NLGN1: variants seen among roughly 807,000 people sequenced by gnomAD.
The protein encoded by NLGN1 is neuroligin-1.
Under a neutral mutation model 65.5 loss-of-function variants are expected in NLGN1, and 12 were observed. That is an observed-to-expected ratio of 0.18 (90% CI 0.12 to 0.30). The LOEUF (loss-of-function observed/expected upper bound fraction) is 0.30, where lower values mean the gene tolerates loss of function less well. Ranked by LOEUF, NLGN1 falls within the 10% of genes least tolerant of loss-of-function variation. NLGN1 has a pLI of 1.00. For missense variants in NLGN1, 750 were observed against 1,007.1 expected (o/e 0.74, Z 3.46); for synonymous variants, 350 against 359.5 (o/e 0.97, Z 0.30).
intron 4 of NLGN1, among the ~76,000 whole-genome samples, chr3:174,066,544 CTCTCTCTCTCTCTCTCTCTCTG>C (rs1738606125): frequency 7.2e-6 from 1 of 139,790 alleles, no homozygotes; most frequent in African/African-American, 2.9e-5. Context: ...CTCTCTCTCT[CTCTCTCTCTCTCTCTCTCTCTG>C]TGTGTGTGTG....
chr3:174,034,373 C>T (rs898454754), intron 4 of NLGN1, among the ~76,000 whole-genome samples: 1 of 151,592 alleles, frequency 6.6e-6, no homozygotes, highest in African/African-American at 2.4e-5. Flanking sequence ...CTTGGATCTA[C>T]ATTAAAAAAG....
chr3:173,791,230 TAGA>T (rs1017633095), intron 3 of NLGN1, among the ~76,000 whole-genome samples: 19 of 152,186 alleles, frequency 1.2e-4, no homozygotes, highest in African/African-American at 4.1e-4. Flanking sequence ...GACGCTTGAG[TAGA>T]AGGACTCTGG....
chr3:174,151,236 T>C (rs1724284668), intron 4 of NLGN1, among the ~76,000 whole-genome samples: 1 of 152,086 alleles, frequency 6.6e-6, no homozygotes, highest in South Asian at 2.1e-4. Flanking sequence ...ACCCTCACTT[T>C]TACAAGCTTA....
At chr3:173,442,322 A>G (rs1271640539) in intron 2 of NLGN1, among the ~76,000 whole-genome samples, 1 of 152,142 alleles carries the variant, frequency 6.6e-6, no homozygotes, top group Admixed American at 6.5e-5. Flanking sequence ...AAATGTATCA[A>G]ATGTTTATTT....
intron 2 of NLGN1, among the ~76,000 whole-genome samples, chr3:173,597,995 T>C (rs1358911690): frequency 6.6e-6 from 1 of 152,160 alleles, no homozygotes; most frequent in Non-Finnish European, 1.5e-5. Flanking sequence ...GTGATATAGC[T>C]GAAGAAGAGC....
At chr3:173,793,153 A>C (rs942795904) in intron 3 of NLGN1, among the ~76,000 whole-genome samples, 6 of 152,122 alleles carry the variant, frequency 3.9e-5, no homozygotes, top group African/African-American at 1.4e-4. Flanking sequence ...ACTTCAAAAA[A>C]CCCATTGAAT....
At chr3:173,673,673 A>T (rs1403491241) in intron 3 of NLGN1, among the ~76,000 whole-genome samples, 5 of 152,164 alleles carry the variant, frequency 3.3e-5, no homozygotes, top group Admixed American at 6.6e-5. Context: ...TGTTAATGTT[A>T]TACAACTAAA....
Position 173,555,227 on chromosome 3 carries a change from G to A in NLGN1, c.-320-49052G>A, listed in dbSNP as rs892723295. ...CATGAATGGGCATAACATTTTGGAA[G>A]TATTTTTTCCTCTATCAATTGAGAT... On this transcript the variant is annotated intron_variant, in intron 2 of 6. Transcript: ENST00000457714. 1.4e-4 allele frequency among the ~76,000 whole-genome samples: 21 copies of A among 152,316 alleles called. No individual in the cohort carries two copies. In the East Asian group the frequency reaches 4.0e-3, roughly 29 times the overall value.
At chr3:173,841,833 CTAGT>C (rs897572217) in intron 4 of NLGN1, among the ~76,000 whole-genome samples, 14 of 152,048 alleles carry the variant, frequency 9.2e-5, no homozygotes, top group African/African-American at 2.9e-4. Flanking sequence ...TGGAAAAATG[CTAGT>C]TATTTTGACA....
intron 2 of NLGN1, among the ~76,000 whole-genome samples, chr3:173,521,509 A>G (rs553254150): frequency 6.6e-6 from 1 of 152,322 alleles, no homozygotes; most frequent in African/African-American, 2.4e-5. Context: ...AAAGCCTAGA[A>G]TCAGCACTGT....
intron 2 of NLGN1, among the ~76,000 whole-genome samples, chr3:173,508,743 T>G (rs1432078259): frequency 6.6e-6 from 1 of 152,114 alleles, no homozygotes; most frequent in Non-Finnish European, 1.5e-5. Flanking sequence ...AGTCCACAGC[T>G]CTTCAGTTTG....
At chr3:173,713,974 G>T (rs1052540255) in intron 3 of NLGN1, among the ~76,000 whole-genome samples, 1 of 152,024 alleles carries the variant, frequency 6.6e-6, no homozygotes, top group African/African-American at 2.4e-5. Context: ...ATAGCTCAAG[G>T]ATACTAAGAA....
chr3:173,448,281 A>G (rs1192142436), intron 2 of NLGN1, among the ~76,000 whole-genome samples: 1 of 152,132 alleles, frequency 6.6e-6, no homozygotes, highest in Non-Finnish European at 1.5e-5. Context: ...AGAGTTGTTG[A>G]ATTTTGTCAA....
At chr3:173,935,582 A>G (rs762935915) in intron 4 of NLGN1, among the ~76,000 whole-genome samples, 4 of 149,392 alleles carry the variant, frequency 2.7e-5, no homozygotes, top group Non-Finnish European at 5.9e-5. Flanking sequence ...TTGTCATGAG[A>G]ATATACAGTC....
chr3:173,809,972 T>C (rs1717530154), intron 4 of NLGN1, among the ~76,000 whole-genome samples: 1 of 152,190 alleles, frequency 6.6e-6, no homozygotes. Flanking sequence ...CTCCTCTCCT[T>C]TATTTCTCTT....
chr3:174,290,704 A>C (rs980704700), downstream of NLGN1, among the ~76,000 whole-genome samples: 8 of 151,146 alleles, frequency 5.3e-5, no homozygotes, highest in African/African-American at 1.9e-4. Flanking sequence ...AAATTCCTGT[A>C]GTTTAAATAA....
chr3:173,535,388 G>A (rs1211153168), intron 2 of NLGN1, among the ~76,000 whole-genome samples: 1 of 152,174 alleles, frequency 6.6e-6, no homozygotes, highest in Admixed American at 6.6e-5. Flanking sequence ...GCATGGCTAC[G>A]TGATAAGTTT....
intron 2 of NLGN1, among the ~76,000 whole-genome samples, chr3:173,498,158 C>T (rs1369007425): frequency 6.6e-6 from 1 of 151,608 alleles, no homozygotes; most frequent in Non-Finnish European, 1.5e-5. Context: ...CACCCATTAA[C>T]TCTTCATTTA....
intron 2 of NLGN1, among the ~76,000 whole-genome samples, chr3:173,503,445 G>C (rs1731488807): frequency 6.6e-6 from 1 of 152,030 alleles, no homozygotes; most frequent in Non-Finnish European, 1.5e-5. Context: ...AACAGCATGA[G>C]ATAATGTGCA....
Sources: gnomAD v4.1 joint callset for allele counts (sites outside exome capture counted in the v4.1 genomes callset) on GRCh38, gnomAD v4.1.1 for gene constraint, MANE v1.5 for transcripts, NCBI Gene and HGNC (gene_info 2026-07-23, HGNC 2026-07-21) for gene names.